The following INVS variants were observed in gnomAD, a reference collection of about 807,000 sequenced individuals.
The protein encoded by INVS is inversion of embryo turning homolog.
A neutral mutation model predicts 108.8 loss-of-function variants in INVS; 86 were observed. The ratio of observed to expected loss-of-function variants is 0.79; its 90% confidence interval spans 0.66 to 0.95. The LOEUF (loss-of-function observed/expected upper bound fraction) is 0.95, where lower values mean the gene tolerates loss of function less well. Among genes scored for constraint, INVS ranks in the 40% least tolerant of loss-of-function variants. The pLI, the probability that INVS is intolerant of heterozygous loss-of-function variation, is 0.00. For missense variants in INVS, 1,169 were observed against 1,297.4 expected, an observed-to-expected ratio of 0.90 and a Z score of 1.52; for synonymous variants, 455 against 473.5, an observed-to-expected ratio of 0.96 and a Z score of 0.51.
intron 3 of INVS, among the ~76,000 whole-genome samples, chr9:100,158,725 A>G (rs1250050005): frequency 6.6e-6 from 1 of 152,178 alleles, no homozygotes; most frequent in Non-Finnish European, 1.5e-5. Flanking sequence ...TATTTATGCT[A>G]TAGTTTGAAT....
intron 3 of INVS, among the ~76,000 whole-genome samples, chr9:100,181,317 G>C (rs1400931612): frequency 2.0e-5 from 3 of 152,184 alleles, no homozygotes; most frequent in African/African-American, 7.2e-5. Context: ...TAGGAAGAGA[G>C]GAAGCCAAAT....
At chr9:100,247,416 G>T (rs1272772165) in intron 8 of INVS, among the ~76,000 whole-genome samples, 1 of 152,152 alleles carries the variant, frequency 6.6e-6, no homozygotes, top group Non-Finnish European at 1.5e-5. Context: ...TTCTGCCTCA[G>T]TGTCAACTTG....
intron 3 of INVS, among the ~76,000 whole-genome samples, chr9:100,193,958 A>C (rs1468248162): frequency 2.0e-5 from 3 of 152,232 alleles, no homozygotes; most frequent in African/African-American, 7.2e-5. Context: ...GATACACTAC[A>C]GATTGTTTAA....
chr9:100,166,307 A>C (rs1829361095), intron 3 of INVS, among the ~76,000 whole-genome samples: 1 of 152,102 alleles, frequency 6.6e-6, no homozygotes, highest in Non-Finnish European at 1.5e-5. Flanking sequence ...CCAGGAGTTC[A>C]AGACCAGCCC....
intron 10 of INVS, among the ~76,000 whole-genome samples, chr9:100,254,556 C>T (rs9408998): frequency 0.52 from 78,549 of 151,474 alleles, 21,194 homozygotes; most frequent in Non-Finnish European, 0.57. Flanking sequence ...TTAGGTCTAA[C>T]ATTTAAGTCT....
rs141219241 is a variant in INVS, at chr9:100,188,178, G to A, written c.274-37884G>A. ...TTTGGATGTCCTTTCTTTCTTTCTC[G>A]TGCTGATTGCTCTGGTTAGGACTTC... is the stretch of plus-strand genomic sequence containing the variant. On this transcript the variant is annotated intron_variant, in intron 3 of 16. Transcript: ENST00000262457. Among the ~76,000 whole-genome samples the A allele has an allele frequency of 2.4e-4, 37 of 151,956 alleles. No homozygotes were observed. The East Asian group carries it at 5.2e-3, about 21-fold the overall frequency.
At chr9:100,219,499 C>T (rs1398105666) in intron 3 of INVS, among the ~76,000 whole-genome samples, 3 of 152,112 alleles carry the variant, frequency 2.0e-5, no homozygotes, top group East Asian at 3.8e-4. Flanking sequence ...GCAAGTCAGA[C>T]AAAACCCAGT....
intron 3 of INVS, among the ~76,000 whole-genome samples, chr9:100,219,881 G>GATATATATATATATATATAT (rs61219577): frequency 6.8e-6 from 1 of 148,088 alleles, no homozygotes; most frequent in African/African-American, 2.5e-5. Flanking sequence ...GTCGTTTATG[G>GATATATATATATATATATAT]ATATATATAT....
intron 3 of INVS, among the ~76,000 whole-genome samples, chr9:100,144,079 A>G (rs563818683): frequency 3.9e-5 from 6 of 152,028 alleles, no homozygotes; most frequent in East Asian, 3.9e-4. Context: ...GGGGTCCTAC[A>G]CAGATGGGAC....
At chr9:100,203,754 C>G (rs1830598392) in intron 3 of INVS, among the ~76,000 whole-genome samples, 1 of 152,204 alleles carries the variant, frequency 6.6e-6, no homozygotes, top group East Asian at 1.9e-4. Flanking sequence ...CCGCCCGCCT[C>G]AGCCTCCCAA....
chr9:100,122,831 G>T (rs577368611), intron 2 of INVS, among the ~76,000 whole-genome samples: 22 of 151,810 alleles, frequency 1.4e-4, no homozygotes, highest in African/African-American at 5.1e-4. Context: ...TGATTCGCCC[G>T]CCTTGGCCTC....
chr9:100,273,061 A>G lies in INVS; in HGVS notation c.1769A>G (p.Lys590Arg), dbSNP rs1833004571. The G allele has an allele frequency of 1.9e-6, 3 of 1,613,864 alleles. No individual in the cohort carries two copies. The highest frequency in any genetic ancestry group is 1.7e-5 in the Admixed American group (1 of 59,992). Residue 590 changes from lysine to arginine, a missense_variant, in exon 12 of 17, where the codon AAA (lysine) becomes AGA (arginine). By Grantham distance (26) the Lys-to-Arg change is conservative (BLOSUM62 2). Transcript: ENST00000262457. ...NLLMKHEQLR[K>R]DAAAKKREEE... ...CTCATGAAGCATGAACAGTTGAGAA[A>G]AGATGCTGCTGCCAAGTAAGTATGA...
At chr9:100,274,190 T>C (rs981521932) in intron 12 of INVS, among the ~76,000 whole-genome samples, 1 of 151,950 alleles carries the variant, frequency 6.6e-6, no homozygotes, top group African/African-American at 2.4e-5. Context: ...AAACACCATC[T>C]CTACTAAAAA....
At chr9:100,145,099 G>T (rs1423185832) in intron 3 of INVS, among the ~76,000 whole-genome samples, 1 of 152,070 alleles carries the variant, frequency 6.6e-6, no homozygotes, top group African/African-American at 2.4e-5. Flanking sequence ...TAGGTTTTAG[G>T]TCAAGTGTGA....
chr9:100,244,812 G>A (rs2118517491), intron 7 of INVS, among the ~76,000 whole-genome samples: 1 of 152,266 alleles, frequency 6.6e-6, no homozygotes, highest in Non-Finnish European at 1.5e-5. Context: ...AGAAATGTTT[G>A]CAAATTAGTA....
chr9:100,197,574 A>C (rs1021340274), intron 3 of INVS, among the ~76,000 whole-genome samples: 16 of 152,196 alleles, frequency 1.1e-4, no homozygotes, highest in African/African-American at 3.9e-4. Context: ...CCACATATTC[A>C]GCTATCCTGT....
chr9:100,215,562 G>C (rs766546225), intron 3 of INVS: 5 of 152,184 alleles, frequency 3.3e-5, no homozygotes, highest in Non-Finnish European at 5.9e-5. Flanking sequence ...AACAATTCCA[G>C]ATACCTGAGG....
chr9:100,262,846 G>A (rs1377410236), intron 10 of INVS, among the ~76,000 whole-genome samples: 1 of 151,884 alleles, frequency 6.6e-6, no homozygotes, highest in Non-Finnish European at 1.5e-5. Flanking sequence ...TCCCAGGCTC[G>A]GGTGATCATC....
chr9:100,178,070 A>G (rs1829772193), intron 3 of INVS, among the ~76,000 whole-genome samples: 1 of 152,184 alleles, frequency 6.6e-6, no homozygotes, highest in Admixed American at 6.6e-5. Context: ...CAAAAATAAA[A>G]GAATAACATC....
Sources: gnomAD v4.1 joint callset for allele counts (sites outside exome capture counted in the v4.1 genomes callset) on GRCh38, gnomAD v4.1.1 for gene constraint, MANE v1.5 for transcripts, NCBI Gene and HGNC (gene_info 2026-07-23, HGNC 2026-07-21) for gene names.